Variants in MPDZ observed in about 807,000 individuals in gnomAD.
MPDZ encodes multiple PDZ domain crumbs cell polarity complex component, also known as multiple PDZ domain protein.
In MPDZ, 234 loss-of-function variants were observed where a neutral mutation model predicts 239.1. That is an observed-to-expected ratio of 0.98 (90% CI 0.88 to 1.09). The LOEUF (loss-of-function observed/expected upper bound fraction) is 1.09. Among genes scored for constraint, MPDZ ranks in the 50% least tolerant of loss-of-function variants. MPDZ has a pLI of 0.00. For synonymous variants in MPDZ, 1,048 were observed against 881.3 expected (o/e 1.19, Z -3.35); for missense variants, 3,175 against 2,510.0 (o/e 1.26, Z -5.66).
chr9:13,188,669 G>A (rs1356224099), intron 17 of MPDZ, 115 bp downstream of exon 17: 3 of 775,290 alleles, frequency 3.9e-6, no homozygotes, highest in Non-Finnish European at 6.1e-6. Context: ...TAATCACGTT[G>A]ATGAAAACTA....
At chr9:13,140,370 T>C (rs1186394386) in intron 27 of MPDZ, among the ~76,000 whole-genome samples, 2 of 145,796 alleles carry the variant, frequency 1.4e-5, no homozygotes, top group African/African-American at 2.5e-5. Context: ...AAGGCTCAGA[T>C]TGTTAAATAT....
At chr9:13,188,728 C>G in intron 17 of MPDZ, 56 bp downstream of exon 17, 1 of 1,514,924 alleles carries the variant, frequency 6.6e-7, no homozygotes, top group South Asian at 1.2e-5. Flanking sequence ...AAAAGTAGAC[C>G]TATGAACCAT....
At chr9:13,247,194 T>C (rs1966755689) in intron 3 of MPDZ, among the ~76,000 whole-genome samples, 1 of 152,190 alleles carries the variant, frequency 6.6e-6, no homozygotes, top group African/African-American at 2.4e-5. Context: ...ACTGTCAAAA[T>C]AGAGGTGATT....
intron 32 of MPDZ, among the ~76,000 whole-genome samples, chr9:13,130,306 CA>C (rs1238627618): frequency 6.6e-6 from 1 of 152,126 alleles, no homozygotes; most frequent in African/African-American, 2.4e-5. Flanking sequence ...TCTAAGGAGT[CA>C]AAACAGAACT....
At position 13,186,305 on chromosome 9, in the gene MPDZ, C is replaced by G. The variant is rs1233370963; in HGVS notation, c.2446G>C (p.Ala816Pro). The G allele has an allele frequency of 6.3e-7, 1 of 1,594,216 alleles. No homozygotes were observed. Among genetic ancestry groups the G allele is most frequent in the Non-Finnish European group, 8.5e-7 (1 of 1,169,662 alleles). Residue 816 changes from alanine to proline, a missense_variant, in exon 18 of 47, where the codon GCT (alanine) becomes CCT (proline). Physicochemically the swap from Ala to Pro is conservative, Grantham distance 27. Coordinates refer to ENST00000319217, the MANE Select transcript of MPDZ (RefSeq NM_001378778.1). Reference sequence around the variant, plus strand: ...TCAGCCCTGAAGAGGGGTTTGTCAGCCAGCCCTGCTTCCTCACAGGAGTGT... The same window carrying G: ...TCAGCCCTGAAGAGGGGTTTGTCAGGCAGCCCTGCTTCCTCACAGGAGTGT... ...PPHSCEEAGL[A>P]DKPLFRADLA...
chr9:13,151,251 G>C (rs1022149343), intron 24 of MPDZ, among the ~76,000 whole-genome samples: 5 of 151,884 alleles, frequency 3.3e-5, no homozygotes, highest in Admixed American at 6.6e-5. Flanking sequence ...AGAGTATATA[G>C]GTTCCTCAAA....
rs762227915 is a variant in MPDZ, at chr9:13,133,865, G to C, written c.4423C>G (p.Leu1475Val). Residue 1475 changes from leucine (L) to valine (V), a missense_variant, in exon 32 of 47, where the codon CTC becomes GTC. Transcript: ENST00000319217. ...TVTTSDAAVD[L>V]SSFKNVQHLE... is the part of the protein sequence containing the mutation. Reference sequence around the variant, plus strand: ...TGTTGCACATTTTTAAATGAACTGAGGTCCACAGCTGCATCAGAAGTAGTA... The same window carrying C: ...TGTTGCACATTTTTAAATGAACTGACGTCCACAGCTGCATCAGAAGTAGTA... 23 of 1,602,718 alleles carry C rather than the reference G, an allele frequency of 1.4e-5. 1 individual carries two copies. In the South Asian group the frequency reaches 2.5e-4, roughly 17 times the overall value.
At chr9:13,200,348 C>T (rs952065675) in intron 12 of MPDZ, among the ~76,000 whole-genome samples, 2 of 151,712 alleles carry the variant, frequency 1.3e-5, no homozygotes, top group African/African-American at 2.4e-5. Flanking sequence ...CTTACTATGG[C>T]GAAAGACTTG....
rs1306157750 is a variant in MPDZ at position 13,140,167 on chromosome 9, A to T, written c.3841-18T>A. ...CTGGGTGCCTGTGGGAACAAAAAGA[A>T]TGCAGTGGGTTTGTACAGTCTAAGG... On this transcript the variant is annotated intron_variant, in intron 27 of 46. Coordinates refer to ENST00000319217, the MANE Select transcript of MPDZ (RefSeq NM_001378778.1). 1 of 1,612,032 alleles carries T rather than the reference A, an allele frequency of 6.2e-7. No homozygotes were observed. Among genetic ancestry groups the T allele is most frequent in the South Asian group, 1.1e-5 (1 of 90,980 alleles).
chr9:13,107,938 C>T (rs1355945513), intron 46 of MPDZ, among the ~76,000 whole-genome samples: 1 of 152,098 alleles, frequency 6.6e-6, no homozygotes, highest in Non-Finnish European at 1.5e-5. Flanking sequence ...CTGTATGACT[C>T]TTCTATTCAC....
At chr9:13,178,031 C>T (rs1952743842) in intron 19 of MPDZ, among the ~76,000 whole-genome samples, 1 of 152,164 alleles carries the variant, frequency 6.6e-6, no homozygotes, top group South Asian at 2.1e-4. Flanking sequence ...GTCTTCATCT[C>T]CTGACCTCGT....
At chr9:13,224,809 A>G (rs919673818) in intron 3 of MPDZ, among the ~76,000 whole-genome samples, 5 of 152,142 alleles carry the variant, frequency 3.3e-5, no homozygotes, top group African/African-American at 1.2e-4. Flanking sequence ...ATTAGATGGG[A>G]AAATTCAAAA....
intron 23 of MPDZ, among the ~76,000 whole-genome samples, chr9:13,161,195 G>T (rs900160837): frequency 6.6e-6 from 1 of 151,886 alleles, no homozygotes; most frequent in African/African-American, 2.4e-5. Flanking sequence ...ATGTGCAGAG[G>T]AATCAGTGAA....
chr9:13,261,335 T>C (rs1456872704), intron 1 of MPDZ, among the ~76,000 whole-genome samples: 1 of 152,206 alleles, frequency 6.6e-6, no homozygotes, highest in Non-Finnish European at 1.5e-5. Flanking sequence ...CTGATCTCCA[T>C]TTTTACAATG....
chr9:13,194,001 A>G (rs1389887423), intron 13 of MPDZ, among the ~76,000 whole-genome samples: 1 of 152,176 alleles, frequency 6.6e-6, no homozygotes, highest in Non-Finnish European at 1.5e-5. Flanking sequence ...AAGCGATATC[A>G]CCTGACTTTG....
At chr9:13,220,567 A>G (rs1397180052) in intron 7 of MPDZ, among the ~76,000 whole-genome samples, 1 of 151,992 alleles carries the variant, frequency 6.6e-6, no homozygotes, top group Non-Finnish European at 1.5e-5. Context: ...ATTTCATTTG[A>G]TGCTGCTAGA....
chr9:13,186,754 C>T (rs940679601), intron 17 of MPDZ, among the ~76,000 whole-genome samples: 2 of 151,284 alleles, frequency 1.3e-5, no homozygotes, highest in Non-Finnish European at 2.9e-5. Context: ...ACAATGACTT[C>T]CTAATATAGA....
Position 13,219,717 on chromosome 9 carries a change from G to C in MPDZ, c.928C>G (p.Leu310Val), listed in dbSNP as rs757457902. 21 of 1,612,748 alleles carry C rather than the reference G, an allele frequency of 1.3e-5. No homozygotes were observed. The highest frequency in any genetic ancestry group is 1.7e-5 in the Non-Finnish European group (20 of 1,179,212). Reference sequence around the variant, plus strand: ...ACTTGCTCACTGCTCATTCCTGCTAGATCTGTGTCACCAATCTTTAGAATG... The same window carrying C: ...ACTTGCTCACTGCTCATTCCTGCTACATCTGTGTCACCAATCTTTAGAATG... ...DHILKIGDTD[L>V]AGMSSEQVAQ... Residue 310 changes from leucine to valine, a missense_variant, in exon 8 of 47, where the codon CTA (leucine) becomes GTA (valine). Leu to Val is a conservative substitution (Grantham distance 32). Coordinates refer to ENST00000319217, the MANE Select transcript of MPDZ (RefSeq NM_001378778.1).
chr9:13,232,283 C>T (rs1423876370), intron 3 of MPDZ, among the ~76,000 whole-genome samples: 1 of 151,992 alleles, frequency 6.6e-6, no homozygotes, highest in African/African-American at 2.4e-5. Flanking sequence ...CCCAGCAAAA[C>T]AATTAGAAAC....
Sources: allele counts gnomAD v4.1 joint callset (sites outside exome capture counted in the v4.1 genomes callset), GRCh38; gene constraint gnomAD v4.1.1; transcripts MANE v1.5; gene names NCBI Gene and HGNC (gene_info 2026-07-23, HGNC 2026-07-21).